CNOT1: variants seen among roughly 807,000 people sequenced by gnomAD.
CNOT1 encodes the protein CCR4-NOT transcription complex subunit 1.
CNOT1 carries 15 observed loss-of-function variants against 273.8 expected under a neutral mutation model. That is an observed-to-expected ratio of 0.05 (90% confidence interval 0.04 to 0.08). The LOEUF is 0.08. CNOT1 is among the 10% of genes least tolerant of loss of function. CNOT1 has a pLI of 1.00. For synonymous variants in CNOT1, 1,022 were observed against 1,005.5 expected, an observed-to-expected ratio of 1.02 and a Z score of -0.31; for missense variants, 1,644 against 2,912.2, an observed-to-expected ratio of 0.56 and a Z score of 10.02.
At chr16:58,532,531 C>T in intron 40 of CNOT1, 136 bp from the exon 41 acceptor site, 1 of 1,405,768 alleles carries the variant, frequency 7.1e-7, no homozygotes, top group Non-Finnish European at 9.3e-7. Flanking sequence ...TACAAAATTA[C>T]ATGCTGGCAG....
At position 58,587,870 on chromosome 16, in the gene CNOT1, A is replaced by C. The variant is rs1310788275; in HGVS notation, c.219T>G (p.Phe73Leu). Residue 73 changes from phenylalanine (F) to leucine (L), a missense_variant, in exon 4 of 49, where the codon TTT (phenylalanine) becomes TTG (leucine). This residue lies in a region of CNOT1 where 706 missense variants were observed against 1,021.2 expected (regional missense o/e 0.69). Coordinates refer to ENST00000317147, the MANE Select transcript of CNOT1 (RefSeq NM_016284.5). The part of the protein sequence containing the change: ...SSGKDFHQTQ[F>L]LIQECALLIT... ...TCAGCAACGCACACTCCTGAATCAG[A>C]AACTGAGTCTTTAAAAATAAAAAAT... The C allele has an allele frequency of 1.2e-6, 2 of 1,612,998 alleles. No homozygotes were observed. Among genetic ancestry groups the C allele is most frequent in the African/African-American group, 2.7e-5 (2 of 74,914 alleles).
intron 14 of CNOT1, 48 bp from the exon 15 acceptor site, chr16:58,575,177 C>T: frequency 6.3e-7 from 1 of 1,595,542 alleles, no homozygotes. Flanking sequence ...AATTAAGTAA[C>T]TATCTCTGTC....
At chr16:58,620,653 T>TAAAAAAAAAAAAAAA (rs200053031) in intron 1 of CNOT1, among the ~76,000 whole-genome samples, 1 of 106,830 alleles carries the variant, frequency 9.4e-6, no homozygotes, top group African/African-American at 3.7e-5. Context: ...CTGTCTCATT[T>TAAAAAAAAAAAAAAA]AAAAAAAAAA....
At chr16:58,556,044 CA>C in intron 19 of CNOT1, 136 bp from the exon 20 acceptor site, 1 of 1,443,236 alleles carries the variant, frequency 6.9e-7, no homozygotes, top group Non-Finnish European at 9.1e-7. Flanking sequence ...ATTAAGCGGT[CA>C]AGTTTCAGTA....
intron 46 of CNOT1, among the ~76,000 whole-genome samples, chr16:58,524,876 G>T (rs1318712452): frequency 6.6e-6 from 1 of 152,130 alleles, no homozygotes; most frequent in African/African-American, 2.4e-5. Flanking sequence ...ACAAAACAAT[G>T]TAACAAGAGG....
intron 14 of CNOT1, among the ~76,000 whole-genome samples, chr16:58,576,220 C>A (rs537072943): frequency 1.6e-3 from 248 of 152,146 alleles, no homozygotes; most frequent in African/African-American, 5.5e-3. Flanking sequence ...AAGCGATTCT[C>A]CTGCCTCAGC....
rs1403736294 is a variant in CNOT1 at position 58,520,917 on chromosome 16, A to G, written c.*41T>C. 3 of 1,586,016 alleles carry G rather than the reference A, an allele frequency of 1.9e-6. No homozygotes were observed. In the Admixed American group the frequency reaches 5.0e-5, roughly 26 times the overall value. On this transcript the variant is annotated 3_prime_UTR_variant, in exon 49 of 49. Transcript: ENST00000317147. ...GTCAGTTTATGAACTCGGTGCAGTGAGACCTCTAGACTGACACGTACAACA... is the reference window on the plus strand; with the variant it reads ...GTCAGTTTATGAACTCGGTGCAGTGGGACCTCTAGACTGACACGTACAACA...
chr16:58,602,959 T>C (rs373456886), intron 1 of CNOT1, among the ~76,000 whole-genome samples: 27 of 152,276 alleles, frequency 1.8e-4, no homozygotes, highest in African/African-American at 5.8e-4. Context: ...CCATCTCAGT[T>C]GATGCTAGTT....
Position 58,528,570 on chromosome 16 carries a change from C to T in CNOT1, c.6358G>A (p.Val2120Met). The T allele has an allele frequency of 1.2e-6, 2 of 1,613,026 alleles. No homozygotes were observed. Among genetic ancestry groups the T allele is most frequent in the South Asian group, 2.2e-5 (2 of 91,070 alleles). Reference protein sequence around the residue: ...LCDYHYGFCDVIPPNCIQLRN... With the variant: ...LCDYHYGFCDMIPPNCIQLRN... Reference sequence around the variant, plus strand: ...AACTGGATACAATTAGGTGGGATCACATCACAGAACCCATAATGGTAATCA... The same window carrying T: ...AACTGGATACAATTAGGTGGGATCATATCACAGAACCCATAATGGTAATCA... Residue 2120 changes from valine to methionine, a missense_variant, in exon 44 of 49, where the codon GTG (valine) becomes ATG (methionine). Coordinates refer to ENST00000317147, the MANE Select transcript of CNOT1 (RefSeq NM_016284.5).
intron 1 of CNOT1, among the ~76,000 whole-genome samples, chr16:58,627,034 T>C (rs150046430): frequency 1.3e-5 from 2 of 152,092 alleles, no homozygotes; most frequent in East Asian, 3.9e-4. Context: ...CAAATTCCAT[T>C]CTCTGGTATT....
Position 58,526,114 on chromosome 16 carries a change from T to C in CNOT1, c.6478A>G (p.Ile2160Val). Residue 2160 changes from isoleucine (I) to valine (V), a missense_variant, in exon 45 of 49, where the codon ATT becomes GTT. Physicochemically the swap from Ile to Val is conservative, Grantham distance 29. Around this residue, in one of 13 missense-constraint regions of CNOT1, gnomAD observed 140 missense variants for 324.6 expected, o/e 0.43. Coordinates refer to ENST00000317147, the MANE Select transcript of CNOT1 (RefSeq NM_016284.5). ...LKVDMLSEIN[I>V]APRILTNFTG... ...AAATTGGTGAGAATCCGGGGAGCAA[T>C]GTTAATTTCACTCAACATGTCCACC... The C allele has an allele frequency of 6.2e-7, 1 of 1,614,072 alleles. No individual in the cohort carries two copies. Among genetic ancestry groups the C allele is most frequent in the South Asian group, 1.1e-5 (1 of 91,082 alleles).
At chr16:58,629,010 G>C (rs940246403) in intron 1 of CNOT1, among the ~76,000 whole-genome samples, 1 of 152,264 alleles carries the variant, frequency 6.6e-6, no homozygotes, top group African/African-American at 2.4e-5. Flanking sequence ...GGGTGAGCAG[G>C]ACCGCCACTA....
intron 13 of CNOT1, 103 bp from the exon 14 acceptor site, chr16:58,576,685 G>A: frequency 4.0e-6 from 6 of 1,513,580 alleles, no homozygotes; most frequent in Non-Finnish European, 5.3e-6. Flanking sequence ...TAAAAATCAG[G>A]TATACCTGTG....
At chr16:58,536,753 G>A (rs2039942143) in intron 39 of CNOT1, among the ~76,000 whole-genome samples, 1 of 152,016 alleles carries the variant, frequency 6.6e-6, no homozygotes, top group Admixed American at 6.6e-5. Context: ...TTGTAGCTGT[G>A]ACAACTGAAA....
chr16:58,569,515 C>CAA (rs35866624), intron 16 of CNOT1, among the ~76,000 whole-genome samples: 7,799 of 141,156 alleles, frequency 0.055, 247 homozygotes, highest in Middle Eastern at 0.091. Flanking sequence ...TAGAAATTAG[C>CAA]AAAAAAAAAA....
In CNOT1 at chr16:58,522,193, C is replaced by T. The variant is rs140769269; in HGVS notation, c.6918-876G>A. 7.4e-3 allele frequency among the ~76,000 whole-genome samples: 992 copies of T among 133,436 alleles called. 8 individuals are homozygous for T. The highest frequency in any genetic ancestry group is 0.026 in the Middle Eastern group (6 of 234). The allele number at this position is 133,436 out of a possible 152,430, so 87.5% of individuals were successfully genotyped here. A position where few individuals can be genotyped will look rare whatever the true frequency, so the allele number is the denominator to read the frequency against. ...AATTAGCCGGACGTGGTGGCAGGTG[C>T]CTGTAATCCCAGCTACTCAGGAGGC... On this transcript the variant is annotated intron_variant, in intron 47 of 48. Coordinates refer to ENST00000317147, the MANE Select transcript of CNOT1 (RefSeq NM_016284.5).
At chr16:58,619,466 C>T (rs2043224223) in intron 1 of CNOT1, among the ~76,000 whole-genome samples, 1 of 151,140 alleles carries the variant, frequency 6.6e-6, no homozygotes, top group African/African-American at 2.4e-5. Flanking sequence ...CTCGCTCTGT[C>T]ACCCAGGCTG....
intron 1 of CNOT1, among the ~76,000 whole-genome samples, chr16:58,610,777 A>G (rs1321683099): frequency 6.6e-6 from 1 of 150,696 alleles, no homozygotes; most frequent in Non-Finnish European, 1.5e-5. Context: ...CAGGAGGTGG[A>G]GCTTGCAGTG....
chr16:58,601,228 T>A (rs1310554313), intron 1 of CNOT1, among the ~76,000 whole-genome samples: 1 of 152,176 alleles, frequency 6.6e-6, no homozygotes, highest in Non-Finnish European at 1.5e-5. Flanking sequence ...AATGCTGGGA[T>A]TACAAGCATG....
Sources: allele counts gnomAD v4.1 joint callset (sites outside exome capture counted in the v4.1 genomes callset), GRCh38; gene constraint gnomAD v4.1.1; regional missense constraint gnomAD v4.1.1; transcripts MANE v1.5; gene names NCBI Gene and HGNC (gene_info 2026-07-23, HGNC 2026-07-21).